The following DLG2 variants were observed in gnomAD, a reference collection of about 807,000 sequenced individuals.
DLG2 encodes disks large homolog 2.
DLG2 carries 45 observed loss-of-function variants against 132.5 expected under a neutral mutation model. The ratio of observed to expected loss-of-function variants is 0.34; its 90% CI spans 0.27 to 0.44. DLG2 has a LOEUF of 0.44. DLG2 is among the 20% of genes least tolerant of loss of function. DLG2 has a pLI of 1.00. For missense variants in DLG2, 1,045 were observed against 1,196.9 expected, an observed-to-expected ratio of 0.87 and a Z score of 1.87; for synonymous variants, 424 against 419.6, an observed-to-expected ratio of 1.01 and a Z score of -0.13.
At chr11:84,952,728 G>A (rs1208649365) in intron 6 of DLG2, among the ~76,000 whole-genome samples, 1 of 152,152 alleles carries the variant, frequency 6.6e-6, no homozygotes. Context: ...AGGTCATTAT[G>A]AAGCACATGA....
chr11:83,680,703 G>A (rs901701339), intron 18 of DLG2, among the ~76,000 whole-genome samples: 1 of 152,054 alleles, frequency 6.6e-6, no homozygotes, highest in Non-Finnish European at 1.5e-5. Flanking sequence ...GACAAAAGAA[G>A]CATGAACAAA....
chr11:83,711,572 T>A (rs1442642092), intron 18 of DLG2, among the ~76,000 whole-genome samples: 2 of 152,220 alleles, frequency 1.3e-5, no homozygotes, highest in Non-Finnish European at 2.9e-5. Context: ...TCAGGCTGAC[T>A]AATATCTATG....
At chr11:84,151,380 G>C (rs140053797) in intron 9 of DLG2, among the ~76,000 whole-genome samples, 216 of 152,190 alleles carry the variant, frequency 1.4e-3, no homozygotes, top group African/African-American at 4.9e-3. Context: ...TTGTATTTCT[G>C]TGGGATCAGT....
chr11:85,226,416 G>A (rs1370521676), intron 4 of DLG2, among the ~76,000 whole-genome samples: 1 of 152,050 alleles, frequency 6.6e-6, no homozygotes, highest in Non-Finnish European at 1.5e-5. Flanking sequence ...TTTCACATTT[G>A]AATATGTTAG....
At chr11:83,535,888 T>A (rs2095866220) in intron 20 of DLG2, among the ~76,000 whole-genome samples, 1 of 152,154 alleles carries the variant, frequency 6.6e-6, no homozygotes, top group South Asian at 2.1e-4. Flanking sequence ...ATTTTATAAC[T>A]GAAGAAACTG....
chr11:84,387,043 A>T (rs2098773459), intron 7 of DLG2, among the ~76,000 whole-genome samples: 1 of 152,030 alleles, frequency 6.6e-6, no homozygotes. Context: ...TCTCCAGGCC[A>T]TTTGTACTCA....
chr11:85,300,556 G>C (rs1481080980), intron 3 of DLG2, among the ~76,000 whole-genome samples: 2 of 152,188 alleles, frequency 1.3e-5, no homozygotes, highest in African/African-American at 4.8e-5. Flanking sequence ...TTCATATGCT[G>C]TATGAATAGA....
chr11:85,311,623 TC>T (rs145369772), intron 3 of DLG2, among the ~76,000 whole-genome samples: 4,550 of 152,198 alleles, frequency 0.03, 83 homozygotes, highest in Middle Eastern at 0.058. Context: ...AGCTCGAAAT[TC>T]AGAAGTTGTC....
At chr11:85,296,462 A>ATTTTCTTTTTTTTTTTTTT (rs2079212124) in intron 3 of DLG2, among the ~76,000 whole-genome samples, 1 of 89,110 alleles carries the variant, frequency 1.1e-5, no homozygotes. Context: ...TTTTGTTTCG[A>ATTTTCTTTTTTTTTTTTTT]TTTTCTTTTT....
intron 17 of DLG2, among the ~76,000 whole-genome samples, chr11:83,808,742 T>C (rs919958549): frequency 2.6e-5 from 4 of 152,124 alleles, no homozygotes; most frequent in South Asian, 2.1e-4. Flanking sequence ...CCTGGAAAAG[T>C]TGCCATGTAC....
chr11:84,472,133 C>T (rs1426978224), intron 7 of DLG2, among the ~76,000 whole-genome samples: 1 of 151,794 alleles, frequency 6.6e-6, no homozygotes, highest in Non-Finnish European at 1.5e-5. Flanking sequence ...GCTATCTTTC[C>T]TAAAATGATT....
chr11:83,957,240 C>T (rs1174268458), intron 14 of DLG2, among the ~76,000 whole-genome samples: 2 of 152,108 alleles, frequency 1.3e-5, no homozygotes, highest in Admixed American at 6.5e-5. Context: ...AGTTCTAATC[C>T]ACAAAGTTAA....
rs117066507 is a variant in DLG2, at chr11:84,572,834, A to C, written c.358-38103T>G. Among the ~76,000 whole-genome samples, 427 of 152,168 alleles carry C rather than the reference A, an allele frequency of 2.8e-3. 1 individual carries two copies. The highest frequency in any genetic ancestry group is 4.9e-3 in the Non-Finnish European group (336 of 67,988). ...CAGTGTTCCATCACTGTCATGCAAAACTACTACATGTGCAGCATCCATCTG... is the reference window on the plus strand; with the variant it reads ...CAGTGTTCCATCACTGTCATGCAAACCTACTACATGTGCAGCATCCATCTG... On this transcript the variant is annotated intron_variant, in intron 6 of 27. Transcript: ENST00000376104.
At chr11:85,299,183 T>C (rs2079433014) in intron 3 of DLG2, among the ~76,000 whole-genome samples, 1 of 152,142 alleles carries the variant, frequency 6.6e-6, no homozygotes, top group African/African-American at 2.4e-5. Flanking sequence ...GAGATAGGTA[T>C]TATTTTTATC....
At chr11:83,904,328 G>A (rs1281483632) in intron 15 of DLG2, among the ~76,000 whole-genome samples, 1 of 152,072 alleles carries the variant, frequency 6.6e-6, no homozygotes, top group Non-Finnish European at 1.5e-5. Flanking sequence ...TGGACAAATT[G>A]AGGACCACTG....
intron 19 of DLG2, among the ~76,000 whole-genome samples, chr11:83,626,958 A>G (rs1489519883): frequency 1.3e-5 from 2 of 151,830 alleles, no homozygotes; most frequent in South Asian, 4.2e-4. Context: ...CAGAAAGTCT[A>G]TCCTTCTTCC....
intron 6 of DLG2, among the ~76,000 whole-genome samples, chr11:85,107,735 A>G (rs908042615): frequency 1.3e-5 from 2 of 151,994 alleles, no homozygotes; most frequent in African/African-American, 4.8e-5. Context: ...AAGGAAGGCT[A>G]TCATTCTAGT....
intron 3 of DLG2, among the ~76,000 whole-genome samples, chr11:85,454,433 C>T (rs1012546289): frequency 9.2e-5 from 14 of 151,966 alleles, no homozygotes; most frequent in African/African-American, 3.4e-4. Flanking sequence ...GCATATTGCA[C>T]CTTTGTCAGA....
intron 10 of DLG2, among the ~76,000 whole-genome samples, chr11:84,090,254 A>C: frequency 6.6e-6 from 1 of 151,914 alleles, no homozygotes; most frequent in Admixed American, 6.6e-5. Flanking sequence ...TCTCTACTAA[A>C]AATGCAAAAA....
Sources: allele counts gnomAD v4.1 joint callset (sites outside exome capture counted in the v4.1 genomes callset), GRCh38; gene constraint gnomAD v4.1.1; transcripts MANE v1.5; gene names NCBI Gene and HGNC (gene_info 2026-07-23, HGNC 2026-07-21).